BRWD3: variants seen among roughly 807,000 people sequenced by gnomAD.
BRWD3 encodes the protein bromodomain and WD repeat-containing protein 3.
BRWD3 carries 10 observed loss-of-function variants against 149.7 expected under a neutral mutation model. That is an observed-to-expected ratio of 0.07 (90% CI 0.04 to 0.11). The LOEUF is 0.11. Among genes scored for constraint, BRWD3 ranks in the 10% least tolerant of loss-of-function variants. The probability of loss-of-function intolerance (pLI) is 1.00; values close to 1 mark genes in which losing one functional copy is unlikely to be tolerated. For synonymous variants in BRWD3, 504 were observed against 456.7 expected (o/e 1.10, Z -1.32); for missense variants, 940 against 1,373.2 (o/e 0.68, Z 4.99).
chrX:80,804,952 T>G (rs772889567), intron 4 of BRWD3, among the ~76,000 whole-genome samples: 1 of 112,301 alleles, frequency 8.9e-6, no homozygotes, highest in African/African-American at 3.2e-5. Flanking sequence ...TAGAGTGTTA[T>G]ATTTTAAATG....
chrX:80,713,507 G>A (rs776357311), intron 20 of BRWD3, among the ~76,000 whole-genome samples: 123 of 109,273 alleles, frequency 1.1e-3, no homozygotes, highest in African/African-American at 3.4e-3. Flanking sequence ...CTCCTTAAGA[G>A]TCATCACCAC....
At chrX:80,741,164 G>A (rs1308394733) in intron 8 of BRWD3, among the ~76,000 whole-genome samples, 1 of 110,679 alleles carries the variant, frequency 9.0e-6, no homozygotes, top group Non-Finnish European at 1.9e-5. Context: ...GCGGTGTTCG[G>A]TTTTTTGTCC....
chrX:80,772,851 A>G (rs1373275197), intron 6 of BRWD3, among the ~76,000 whole-genome samples: 1 of 112,022 alleles, frequency 8.9e-6, no homozygotes, highest in Non-Finnish European at 1.9e-5. Context: ...ATGTCCTTCA[A>G]TTGGTGAATG....
rs749560929 is a variant in BRWD3, at chrX:80,744,078, G to C, written c.767C>G (p.Pro256Arg). ...VRVWCLRTCA[P>R]VAVLQGHSAS... ...TGAATGGCCCTGAAGGACTGCAACGGGTGCACAAGTTCGAAGACACCATAC... is the reference window on the plus strand; with the variant it reads ...TGAATGGCCCTGAAGGACTGCAACGCGTGCACAAGTTCGAAGACACCATAC... The change falls in exon 8 of 41, where the codon CCC becomes CGC. Residue 256 changes from proline (P) to arginine (R), a missense_variant. This residue lies in a region of BRWD3 where 209 missense variants were observed against 396.8 expected (regional missense o/e 0.53). Coordinates refer to ENST00000373275, the MANE Select transcript of BRWD3 (RefSeq NM_153252.5). The C allele has an allele frequency of 8.3e-7, 1 of 1,211,316 alleles. No homozygotes were observed. The highest frequency in any genetic ancestry group is 3.0e-5 in the East Asian group (1 of 33,831).
intron 18 of BRWD3, 149 bp downstream of exon 18, chrX:80,719,340 T>C (rs975098731): frequency 6.1e-6 from 3 of 492,391 alleles, no homozygotes; most frequent in Non-Finnish European, 9.6e-6. Flanking sequence ...GATGAGATTA[T>C]GAGACTTCAA....
At chrX:80,695,167 A>C (rs1460428749) in intron 27 of BRWD3, among the ~76,000 whole-genome samples, 1 of 111,552 alleles carries the variant, frequency 9.0e-6, no homozygotes, top group Non-Finnish European at 1.9e-5. Context: ...CCATATGAAG[A>C]AGGTCTTGCT....
chrX:80,681,244 C>G (rs914646181), intron 40 of BRWD3, 97 bp downstream of exon 40: 18 of 891,368 alleles, frequency 2.0e-5, no homozygotes, highest in Non-Finnish European at 2.7e-5. Context: ...TAAGGATATA[C>G]TAGTTTTTAG....
chrX:80,786,516 C>CTATA (rs774404451), intron 6 of BRWD3, among the ~76,000 whole-genome samples: 215 of 104,519 alleles, frequency 2.1e-3, no homozygotes, highest in South Asian at 5.8e-3. Flanking sequence ...TTTAATTTGC[C>CTATA]TATATATATA....
At chrX:80,686,455 TAAAGA>T (rs1328871489) in intron 35 of BRWD3, among the ~76,000 whole-genome samples, 2 of 106,931 alleles carry the variant, frequency 1.9e-5, no homozygotes, top group Admixed American at 2.0e-4. Context: ...TAAAAAAAAG[TAAAGA>T]AAAGAAAAGT....
intron 6 of BRWD3, among the ~76,000 whole-genome samples, chrX:80,750,403 A>C (rs1288290578): frequency 9.0e-6 from 1 of 111,346 alleles, no homozygotes; most frequent in African/African-American, 3.3e-5. Context: ...AATGTAATTA[A>C]AAATGGGCAA....
At chrX:80,761,942 C>G (rs777551187) in intron 6 of BRWD3, among the ~76,000 whole-genome samples, 4 of 111,559 alleles carry the variant, frequency 3.6e-5, no homozygotes, top group Non-Finnish European at 7.5e-5. Flanking sequence ...CATTTGCCCA[C>G]AGGTACAATT....
chrX:80,681,266 G>A, intron 40 of BRWD3, 75 bp downstream of exon 40: 1 of 1,074,946 alleles, frequency 9.3e-7, no homozygotes, highest in Non-Finnish European at 1.3e-6. Context: ...ATGTCAACAT[G>A]TCAGCTTTTA....
chrX:80,676,664 ACT>A lies in BRWD3; in HGVS notation c.5352_5353del (p.Arg1784SerfsTer3). 1 of 1,209,993 alleles carries A rather than the reference ACT, an allele frequency of 8.3e-7. No homozygotes were observed. Reference sequence around the variant, plus strand: ...CCTGGCTTTTTCTGTCATTTTACGCACTCTGCCTGATCTGGATGTACCAAGAT... The same window carrying A: ...CCTGGCTTTTTCTGTCATTTTACGCACTGCCTGATCTGGATGTACCAAGAT... On this transcript the variant is annotated frameshift_variant, in exon 41 of 41. Transcript: ENST00000373275. LOFTEE classifies it high-confidence loss of function.
chrX:80,809,315 G>T lies in BRWD3; in HGVS notation c.32-11C>A. The stretch of plus-strand genomic sequence containing the variant: ...TCAGGTAATACAGCTCTGGGGAAGA[G>T]GGGGGAAAAGAGGTTCAGAGGGAGG... On this transcript the variant is annotated splice_polypyrimidine_tract_variant and intron_variant, in intron 1 of 40. Transcript: ENST00000373275. The T allele has an allele frequency of 8.4e-7, 1 of 1,186,921 alleles. No homozygotes were observed.
chrX:80,706,452 T>C (rs942778052), intron 22 of BRWD3, among the ~76,000 whole-genome samples: 1 of 111,799 alleles, frequency 8.9e-6, no homozygotes, highest in African/African-American at 3.3e-5. Context: ...TTTTCTATTT[T>C]TAAGGTTTAA....
chrX:80,710,767 G>A lies in BRWD3; in HGVS notation c.2326-1190C>T, dbSNP rs745436394. On this transcript the variant is annotated intron_variant, in intron 20 of 40. Coordinates refer to ENST00000373275, the MANE Select transcript of BRWD3 (RefSeq NM_153252.5). The stretch of plus-strand genomic sequence containing the variant: ...ATGTAATAATGCTGGAAGACATACT[G>A]ATGATACTAATCATCAGTAGAATGG... 31 of 456,929 alleles carry A rather than the reference G, an allele frequency of 6.8e-5. No homozygotes were observed. In the East Asian group the frequency reaches 1.5e-3, roughly 22 times the overall value. 37.7% of individuals were successfully genotyped at this position (456,929 alleles called of 1,213,427 possible).
intron 6 of BRWD3, among the ~76,000 whole-genome samples, chrX:80,753,128 A>G (rs767418009): frequency 4.5e-5 from 5 of 111,658 alleles, no homozygotes; most frequent in African/African-American, 9.7e-5. Flanking sequence ...GATAATTTGC[A>G]ATTATTTTCT....
intron 12 of BRWD3, among the ~76,000 whole-genome samples, chrX:80,731,462 G>T (rs986904496): frequency 7.2e-5 from 8 of 111,232 alleles, no homozygotes; most frequent in East Asian, 5.7e-4. Context: ...TTATTTGGTG[G>T]TTTTTTCATT....
At chrX:80,801,954 A>T (rs1284885683) in intron 4 of BRWD3, among the ~76,000 whole-genome samples, 1 of 107,796 alleles carries the variant, frequency 9.3e-6, no homozygotes, top group Non-Finnish European at 1.9e-5. Context: ...CCATTTGTTT[A>T]AAAAAAAAAG....
Sources: gnomAD v4.1 joint callset for allele counts (sites outside exome capture counted in the v4.1 genomes callset) on GRCh38, gnomAD v4.1.1 for gene constraint, gnomAD v4.1.1 regional missense constraint, MANE v1.5 for transcripts, NCBI Gene and HGNC (gene_info 2026-07-23, HGNC 2026-07-21) for gene names.